The following SLC36A1 variants were observed in gnomAD, a reference collection of about 807,000 sequenced individuals.
The protein encoded by SLC36A1 is solute carrier family 36 member 1.
SLC36A1 carries 30 observed loss-of-function variants against 47.5 expected under a neutral mutation model. The observed-to-expected ratio is 0.63, with a 90% CI of 0.47 to 0.86. The LOEUF (loss-of-function observed/expected upper bound fraction) is 0.86. Among genes scored for constraint, SLC36A1 ranks in the 40% least tolerant of loss-of-function variants. SLC36A1 has a pLI of 0.00. For missense variants in SLC36A1, 517 were observed against 606.0 expected, an observed-to-expected ratio of 0.85 and a Z score of 1.54; for synonymous variants, 255 against 249.7, an observed-to-expected ratio of 1.02 and a Z score of -0.20.
the SLC36A1 span, chr5:151,537,765 T>G: frequency 3.8e-6 from 6 of 1,595,558 alleles, no homozygotes; most frequent in Non-Finnish European, 5.1e-6. Context: ...GAAGTTCTTG[T>G]TTTGATCCTG....
the SLC36A1 span, chr5:151,511,161 T>A: frequency 6.6e-6 from 1 of 152,106 alleles, no homozygotes; most frequent in Non-Finnish European, 1.5e-5. Flanking sequence ...GGGACAGCAA[T>A]GGGGAAAGAG....
the SLC36A1 span, among the ~76,000 whole-genome samples, chr5:151,541,245 A>T: frequency 2.6e-5 from 4 of 152,234 alleles, no homozygotes; most frequent in Admixed American, 1.3e-4. Flanking sequence ...TTTCCTTGAC[A>T]CTAATCACTG....
chr5:151,547,640 TTCAG>T, the SLC36A1 span, among the ~76,000 whole-genome samples: 1 of 152,200 alleles, frequency 6.6e-6, no homozygotes, highest in Non-Finnish European at 1.5e-5. Flanking sequence ...AACCGCTAAA[TTCAG>T]TCAAAGAACA....
chr5:151,548,912 T>C, the SLC36A1 span, among the ~76,000 whole-genome samples: 2 of 152,234 alleles, frequency 1.3e-5, no homozygotes, highest in Non-Finnish European at 2.9e-5. Context: ...TGGAGCCTTA[T>C]CAGAAAATAA....
chr5:151,428,525 C>T, the SLC36A1 span, among the ~76,000 whole-genome samples: 4 of 152,206 alleles, frequency 2.6e-5, no homozygotes, highest in African/African-American at 4.8e-5. Flanking sequence ...GTTCTCTTGG[C>T]ACCGTTGCCA....
the SLC36A1 span, chr5:151,425,194 G>A: frequency 6.6e-6 from 1 of 152,252 alleles, no homozygotes; most frequent in East Asian, 1.9e-4. Context: ...ATGTCACTCA[G>A]GTGAGGTTTG....
the SLC36A1 span, among the ~76,000 whole-genome samples, chr5:151,358,019 G>A: frequency 6.6e-6 from 1 of 152,200 alleles, no homozygotes; most frequent in East Asian, 1.9e-4. Flanking sequence ...AAATGGAAGT[G>A]AAGGACAGAG....
At chr5:151,515,746 C>G in the SLC36A1 span, among the ~76,000 whole-genome samples, 1 of 152,184 alleles carries the variant, frequency 6.6e-6, no homozygotes, top group Non-Finnish European at 1.5e-5. Flanking sequence ...AACCACCATC[C>G]TCTCTTATCC....
At chr5:151,377,613 C>T in the SLC36A1 span, among the ~76,000 whole-genome samples, 36,318 of 151,750 alleles carry the variant, frequency 0.24, 4,756 homozygotes, top group African/African-American at 0.34. Context: ...TCCCAAAGTG[C>T]TGGGATTACA....
In SLC36A1 at chr5:151,481,160, C is replaced by A. The variant is rs115017230; in HGVS notation, c.1159+1671C>A. Among the ~76,000 whole-genome samples, 804 of 152,358 alleles carry A rather than the reference C, an allele frequency of 5.3e-3. 13 individuals carry two copies. Among genetic ancestry groups the A allele is most frequent in the African/African-American group, 0.018 (754 of 41,580 alleles). ...GCCTCTTGGATTTTGCTTCACTTTT[C>A]CTGGCCCTGTCTGTGAGTCTCATCT... is the stretch of plus-strand genomic sequence containing the variant. On this transcript the variant is annotated intron_variant, in intron 10 of 10. Coordinates refer to ENST00000243389, the MANE Select transcript of SLC36A1 (RefSeq NM_078483.4).
At chr5:151,370,130 C>T in the SLC36A1 span, among the ~76,000 whole-genome samples, 1 of 152,146 alleles carries the variant, frequency 6.6e-6, no homozygotes, top group African/African-American at 2.4e-5. Context: ...GGCCTTTGTT[C>T]CTAAATGTTC....
chr5:151,480,109 G>A, intron 10 of SLC36A1: 6 of 1,484,828 alleles, frequency 4.0e-6, no homozygotes, highest in Non-Finnish European at 5.3e-6. Flanking sequence ...TTGAAAACTG[G>A]TGACATTTAG....
At chr5:151,428,402 G>C in the SLC36A1 span, among the ~76,000 whole-genome samples, 1 of 152,116 alleles carries the variant, frequency 6.6e-6, no homozygotes, top group South Asian at 2.1e-4. Flanking sequence ...GAGGAGCAAG[G>C]GGTGGCCTAG....
chr5:151,532,390 CACACA>C, the SLC36A1 span, among the ~76,000 whole-genome samples: 5 of 4,018 alleles, frequency 1.2e-3, no homozygotes, highest in African/African-American at 6.3e-3. Context: ...CGTGTACAAA[CACACA>C]CACACACACA....
At chr5:151,521,428 A>G in the SLC36A1 span, 4 of 1,614,080 alleles carry the variant, frequency 2.5e-6, no homozygotes, top group Non-Finnish European at 3.4e-6. Context: ...CACCATGGGC[A>G]TAGCTGACCG....
At chr5:151,416,060 C>T in the SLC36A1 span, among the ~76,000 whole-genome samples, 146 of 152,272 alleles carry the variant, frequency 9.6e-4, no homozygotes, top group Non-Finnish European at 1.4e-3. Flanking sequence ...GAGCTGAGAT[C>T]GTGCCACTGC....
At chr5:151,411,034 CTG>C in the SLC36A1 span, among the ~76,000 whole-genome samples, 2 of 144,952 alleles carry the variant, frequency 1.4e-5, no homozygotes, top group East Asian at 4.7e-4. Flanking sequence ...CTAAGAACTA[CTG>C]TGTTCTCACT....
At chr5:151,403,315 A>AT in the SLC36A1 span, among the ~76,000 whole-genome samples, 12 of 152,260 alleles carry the variant, frequency 7.9e-5, no homozygotes, top group Admixed American at 6.5e-4. Flanking sequence ...TTCAATTGTC[A>AT]TCCCCCCAGT....
At chr5:151,435,189 CAA>C (rs781333882), upstream of SLC36A1, among the ~76,000 whole-genome samples, 3 of 152,048 alleles carry the variant, frequency 2.0e-5, no homozygotes, top group Non-Finnish European at 2.9e-5. Flanking sequence ...GTGTTACATT[CAA>C]AAGGGTTGCA....
Sources: allele counts gnomAD v4.1 joint callset (sites outside exome capture counted in the v4.1 genomes callset), GRCh38; gene constraint gnomAD v4.1.1; transcripts MANE v1.5; gene names NCBI Gene and HGNC (gene_info 2026-07-23, HGNC 2026-07-21).